NECTIN4: variants seen among roughly 807,000 people sequenced by gnomAD.
The protein encoded by NECTIN4 is nectin cell adhesion molecule 4.
NECTIN4 carries 19 observed loss-of-function variants against 51.7 expected under a neutral mutation model. The ratio of observed to expected loss-of-function variants is 0.37; its 90% confidence interval spans 0.26 to 0.54. The LOEUF (loss-of-function observed/expected upper bound fraction) is 0.54. Ranked by LOEUF, NECTIN4 falls within the 20% of genes least tolerant of loss-of-function variation. The pLI, the probability that NECTIN4 is intolerant of heterozygous loss-of-function variation, is 0.86. For missense variants in NECTIN4, 619 were observed against 662.4 expected (o/e 0.93, Z 0.72); for synonymous variants, 283 against 286.9 (o/e 0.99, Z 0.14).
chr1:161,085,390 C>G (rs985977379), intron 1 of NECTIN4, among the ~76,000 whole-genome samples: 2 of 152,162 alleles, frequency 1.3e-5, no homozygotes, highest in African/African-American at 4.8e-5. Context: ...ACCACAACAG[C>G]CACACTGTGG....
intron 7 of NECTIN4, 149 bp from the exon 8 acceptor site, chr1:161,073,448 T>TC: frequency 1.3e-6 from 1 of 751,264 alleles, no homozygotes; most frequent in Non-Finnish European, 2.3e-6. Flanking sequence ...CATCCTCATT[T>TC]CCCCACTGCG....
At position 161,074,704 on chromosome 1, in the gene NECTIN4, G is replaced by A; in HGVS notation, c.907C>T (p.Pro303Ser). ...CCGCTGTGCTCAGTGGTCAGTGGGG[G>A]AAAGCCCAAAGTGTCCCCATCCACT... is the stretch of plus-strand genomic sequence containing the variant. ...VRVDGDTLGF[P>S]PLTTEHSGIY... The change falls in exon 5 of 9, where the codon CCC becomes TCC. Residue 303 changes from proline to serine, a missense_variant. This residue lies in a region of NECTIN4 where 364 missense variants were observed against 415.7 expected (regional missense o/e 0.88). Coordinates refer to ENST00000368012, the MANE Select transcript of NECTIN4 (RefSeq NM_030916.3). 4 of 1,614,210 alleles carry A rather than the reference G, an allele frequency of 2.5e-6. No homozygotes were observed. Among genetic ancestry groups the A allele is most frequent in the South Asian group, 1.1e-5 (1 of 91,088 alleles).
At chr1:161,076,731 T>G (rs1653430541) in intron 3 of NECTIN4, among the ~76,000 whole-genome samples, 1 of 152,246 alleles carries the variant, frequency 6.6e-6, no homozygotes, top group South Asian at 2.1e-4. Context: ...CTCAAGGTAG[T>G]GATCCATCAC....
At chr1:161,074,463 AC>A in intron 5 of NECTIN4, 90 bp from the exon 6 acceptor site, 1 of 1,595,310 alleles carries the variant, frequency 6.3e-7, no homozygotes, top group Non-Finnish European at 8.6e-7. Context: ...ATCTAAAACC[AC>A]ACCTCAGTTT....
intron 1 of NECTIN4, among the ~76,000 whole-genome samples, chr1:161,085,217 C>A (rs1326349706): frequency 6.6e-6 from 1 of 152,028 alleles, no homozygotes; most frequent in Non-Finnish European, 1.5e-5. Flanking sequence ...AAACGCCCAC[C>A]CACAGATTAG....
chr1:161,081,947 G>A (rs1653697342), intron 1 of NECTIN4, among the ~76,000 whole-genome samples: 1 of 152,058 alleles, frequency 6.6e-6, no homozygotes, highest in Non-Finnish European at 1.5e-5. Context: ...AGTGCTCAGT[G>A]GTATGTGGGT....
chr1:161,073,470 AC>A (rs1178949116), intron 7 of NECTIN4, among the ~76,000 whole-genome samples, 171 bp from the exon 8 acceptor site: 1 of 151,968 alleles, frequency 6.6e-6, no homozygotes, highest in African/African-American at 2.4e-5. Context: ...CCACAAACCC[AC>A]CCTGGAAGCA....
In NECTIN4 at chr1:161,071,714, A is replaced by T. The variant is rs1196482936; in HGVS notation, c.*947T>A. On this transcript the variant is annotated 3_prime_UTR_variant, in exon 9 of 9. Coordinates refer to ENST00000368012, the MANE Select transcript of NECTIN4 (RefSeq NM_030916.3). ...TCTTTAATTTTTTTTTTCTCTTCGT[A>T]AAGGATTCAAAGCAGGCACAGTGGT... The T allele has an allele frequency of 1.3e-5, 2 of 151,940 alleles. No individual in the cohort carries two copies. Among genetic ancestry groups the T allele is most frequent in the Non-Finnish European group, 2.9e-5 (2 of 67,984 alleles). The allele number at this position is 151,940 out of a possible 1,614,324, so 9.4% of individuals were successfully genotyped here.
intron 2 of NECTIN4, 129 bp from the exon 3 acceptor site, chr1:161,077,872 C>T (rs910723407): frequency 1.1e-5 from 9 of 837,046 alleles, no homozygotes; most frequent in East Asian, 8.1e-5. Context: ...TTCATGGAGA[C>T]GCAGATGAAT....
Position 161,089,285 on chromosome 1 carries a change from G to T in NECTIN4, c.12C>A (p.Ser4=). The T allele has an allele frequency of 6.2e-7, 1 of 1,610,102 alleles. No homozygotes were observed. ...CAGGCCCCCACATCTCGGCTCCCAG[G>T]GACAGGGGCATGGTTGAAAGGCAGA... MPL[S]LGAEMWGPEA... Residue 4 remains serine (S), a synonymous_variant, in exon 1 of 9, where the codon TCC becomes TCA. Transcript: ENST00000368012. The surrounding 1 kb of genome is among the most constrained non-coding windows in gnomAD (Gnocchi z 4.1).
At chr1:161,084,294 CAT>C (rs1395984840) in intron 1 of NECTIN4, among the ~76,000 whole-genome samples, 1 of 152,208 alleles carries the variant, frequency 6.6e-6, no homozygotes, top group Non-Finnish European at 1.5e-5. Flanking sequence ...TGTGTGCACA[CAT>C]GATTCCGTGT....
At position 161,089,154 on chromosome 1, in the gene NECTIN4, G is replaced by A; in HGVS notation, c.79+64C>T. ...CGTGCGTGTGTGTCTATGTGTTTGTGCATGTGTGTCAGTGCCAGGTTGGGC... is the reference window on the plus strand; with the variant it reads ...CGTGCGTGTGTGTCTATGTGTTTGTACATGTGTGTCAGTGCCAGGTTGGGC... On this transcript the variant is annotated intron_variant, in intron 1 of 8. Coordinates refer to ENST00000368012, the MANE Select transcript of NECTIN4 (RefSeq NM_030916.3). The surrounding 1 kb of genome is among the most constrained non-coding windows in gnomAD (Gnocchi z 4.1). The A allele has an allele frequency of 1.4e-6, 2 of 1,395,394 alleles. No individual in the cohort carries two copies. The highest frequency in any genetic ancestry group is 2.0e-6 in the Non-Finnish European group (2 of 982,660). 86.4% of individuals were successfully genotyped at this position (1,395,394 alleles called of 1,614,324 possible).
At chr1:161,073,638 C>T (rs1246759503) in intron 7 of NECTIN4, 82 bp downstream of exon 7, 26 of 1,211,710 alleles carry the variant, frequency 2.1e-5, no homozygotes, top group Non-Finnish European at 2.9e-5. Flanking sequence ...AGCTGTGCTC[C>T]TGGTCTGCAG....
At chr1:161,072,953 TG>T in intron 8 of NECTIN4, 68 bp from the exon 9 acceptor site, 2 of 1,450,962 alleles carry the variant, frequency 1.4e-6, no homozygotes. Flanking sequence ...GGGGCATGGC[TG>T]GGTCATGGTG....
chr1:161,080,025 A>T (rs1653608021), intron 1 of NECTIN4, 76 bp from the exon 2 acceptor site: 2 of 1,500,376 alleles, frequency 1.3e-6, no homozygotes, highest in Non-Finnish European at 1.8e-6. Context: ...AATGATAATG[A>T]CAGCAAAGGT....
At position 161,073,885 on chromosome 1, in the gene NECTIN4, G is replaced by A. The variant is rs868307244; in HGVS notation, c.1158-90C>T. 3.7e-5 allele frequency: 44 copies of A among 1,181,156 alleles called. No homozygotes were observed. In the Middle Eastern group the frequency reaches 2.5e-3, roughly 67 times the overall value. The allele number at this position is 1,181,156 out of a possible 1,614,324, so 73.2% of individuals were successfully genotyped here. ...TGGCTGAGCCTAGTGAGACAGGCCCGGAGGGTGTGGGTGCCGTGCTGGCCC... is the reference window on the plus strand; with the variant it reads ...TGGCTGAGCCTAGTGAGACAGGCCCAGAGGGTGTGGGTGCCGTGCTGGCCC... On this transcript the variant is annotated intron_variant, in intron 6 of 8. Transcript: ENST00000368012.
At position 161,072,504 on chromosome 1, in the gene NECTIN4, C is replaced by T. The variant is rs543316888; in HGVS notation, c.*157G>A. 12 of 693,026 alleles carry T rather than the reference C, an allele frequency of 1.7e-5. No individual in the cohort carries two copies. Among genetic ancestry groups the T allele is most frequent in the African/African-American group, 3.5e-5 (2 of 56,908 alleles). 42.9% of individuals were successfully genotyped at this position (693,026 alleles called of 1,614,324 possible). ...AGAGACTCAATTGGTGGAGCCCTCC[C>T]GATGAACAGAAGGGTTGGAGGTAAA... On this transcript the variant is annotated 3_prime_UTR_variant, in exon 9 of 9. Transcript: ENST00000368012.
chr1:161,081,423 G>T (rs1185389874), intron 1 of NECTIN4, among the ~76,000 whole-genome samples: 3 of 152,012 alleles, frequency 2.0e-5, no homozygotes, highest in Non-Finnish European at 4.4e-5. Flanking sequence ...AGAGATGAAG[G>T]AGAGGAAAGA....
chr1:161,077,798 C>T (rs1467441668), intron 2 of NECTIN4, 55 bp from the exon 3 acceptor site: 5 of 1,507,140 alleles, frequency 3.3e-6, no homozygotes, highest in Non-Finnish European at 3.6e-6. Context: ...GTCAGGAGGC[C>T]CCCACTCATC....
Sources: gnomAD v4.1 joint callset for allele counts (sites outside exome capture counted in the v4.1 genomes callset) on GRCh38, gnomAD v4.1.1 for gene constraint, gnomAD v4.1.1 regional missense constraint, Gnocchi (gnomAD v3.1) non-coding constraint, MANE v1.5 for transcripts, NCBI Gene and HGNC (gene_info 2026-07-23, HGNC 2026-07-21) for gene names.